FSTL5: variants seen among roughly 807,000 people sequenced by gnomAD.
FSTL5 encodes follistatin like 5, also known as follistatin-related protein 5.
FSTL5 carries 62 observed loss-of-function variants against 89.1 expected under a neutral mutation model. The observed-to-expected ratio is 0.70, with a 90% CI of 0.57 to 0.86. FSTL5 has a LOEUF of 0.86. FSTL5 is among the 40% of genes least tolerant of loss of function. FSTL5 has a pLI of 0.00. For synonymous variants in FSTL5, 383 were observed against 346.2 expected, an observed-to-expected ratio of 1.11 and a Z score of -1.18; for missense variants, 1,057 against 1,001.6, an observed-to-expected ratio of 1.06 and a Z score of -0.75.
intron 3 of FSTL5, among the ~76,000 whole-genome samples, chr4:162,015,696 A>G (rs1183948472): frequency 1.3e-5 from 2 of 152,202 alleles, no homozygotes; most frequent in Non-Finnish European, 2.9e-5. Flanking sequence ...AACTAGTCAT[A>G]AACTGTGAGG....
At chr4:161,692,495 C>T (rs546805151) in intron 6 of FSTL5, among the ~76,000 whole-genome samples, 1 of 152,168 alleles carries the variant, frequency 6.6e-6, no homozygotes, top group African/African-American at 2.4e-5. Flanking sequence ...AGTGCTTTTA[C>T]AAAAGGTGCT....
chr4:162,041,676 T>C (rs1029121933), intron 2 of FSTL5, among the ~76,000 whole-genome samples: 4 of 151,992 alleles, frequency 2.6e-5, no homozygotes, highest in African/African-American at 9.7e-5. Flanking sequence ...AGAGAACTTG[T>C]GATTGGGTTG....
intron 12 of FSTL5, among the ~76,000 whole-genome samples, chr4:161,495,953 C>T (rs1391287328): frequency 6.0e-5 from 9 of 151,048 alleles, no homozygotes; most frequent in Non-Finnish European, 8.9e-5. Flanking sequence ...ACTGTGTAAT[C>T]CTGAATTAAT....
At chr4:161,840,992 G>C (rs188781238) in intron 4 of FSTL5, among the ~76,000 whole-genome samples, 3 of 152,272 alleles carry the variant, frequency 2.0e-5, no homozygotes, top group Admixed American at 6.5e-5. Context: ...AAGCATTACT[G>C]AATGTTGGCT....
At chr4:161,807,840 C>T (rs561595048) in intron 4 of FSTL5, among the ~76,000 whole-genome samples, 2 of 152,078 alleles carry the variant, frequency 1.3e-5, no homozygotes, top group Non-Finnish European at 2.9e-5. Context: ...GGTAAGAAGA[C>T]ATGGTGGTTG....
chr4:161,995,783 T>TTTC (rs1178239996), intron 3 of FSTL5, among the ~76,000 whole-genome samples: 75 of 151,524 alleles, frequency 4.9e-4, no homozygotes, highest in African/African-American at 1.5e-3. Context: ...TTTTTTTTTT[T>TTTC]AATGATTGGA....
intron 4 of FSTL5, among the ~76,000 whole-genome samples, chr4:161,797,770 TATG>T (rs1346252228): frequency 2.6e-5 from 4 of 151,678 alleles, no homozygotes; most frequent in African/African-American, 7.2e-5. Flanking sequence ...GCTTCGTTAA[TATG>T]ATATTTTTGA....
At chr4:161,688,358 C>A (rs1237123353) in intron 6 of FSTL5, among the ~76,000 whole-genome samples, 1 of 152,202 alleles carries the variant, frequency 6.6e-6, no homozygotes, top group African/African-American at 2.4e-5. Flanking sequence ...GCTGGTATTA[C>A]AGGCATGAGC....
intron 1 of FSTL5, among the ~76,000 whole-genome samples, chr4:162,146,160 T>C (rs1732978116): frequency 6.6e-6 from 1 of 152,162 alleles, no homozygotes; most frequent in South Asian, 2.1e-4. Flanking sequence ...AAGCACCCAA[T>C]GTTGTTTTCT....
chr4:161,643,277 C>T (rs1396783798), intron 7 of FSTL5, among the ~76,000 whole-genome samples: 1 of 152,020 alleles, frequency 6.6e-6, no homozygotes, highest in African/African-American at 2.4e-5. Context: ...ACTGAATGTA[C>T]CTTTCTCTCT....
chr4:161,526,914 T>C (rs1221499469), intron 10 of FSTL5, among the ~76,000 whole-genome samples: 1 of 152,232 alleles, frequency 6.6e-6, no homozygotes, highest in Non-Finnish European at 1.5e-5. Context: ...GGCTTAGGAC[T>C]GACTTGGTGA....
intron 15 of FSTL5, among the ~76,000 whole-genome samples, chr4:161,429,741 C>G (rs1732289491): frequency 3.3e-5 from 5 of 152,014 alleles, no homozygotes; most frequent in Admixed American, 3.3e-4. Context: ...AAAGCCTTCC[C>G]AAGAAGGATA....
chr4:162,036,094 C>T (rs1417046134), intron 2 of FSTL5, among the ~76,000 whole-genome samples: 1 of 152,078 alleles, frequency 6.6e-6, no homozygotes, highest in Non-Finnish European at 1.5e-5. Context: ...TTCCATATAG[C>T]TCATTCTTTT....
chr4:161,614,601 G>A (rs17041249), intron 7 of FSTL5, among the ~76,000 whole-genome samples: 26,231 of 151,976 alleles, frequency 0.17, 2,358 homozygotes, highest in Middle Eastern at 0.32. Flanking sequence ...ATTATTAAGA[G>A]GAAAAATGCT....
intron 3 of FSTL5, among the ~76,000 whole-genome samples, chr4:162,013,194 A>G (rs924982843): frequency 2.7e-5 from 4 of 150,120 alleles, no homozygotes; most frequent in African/African-American, 9.7e-5. Flanking sequence ...TAAAAAAAAA[A>G]AAAAATTTTC....
chr4:161,837,758 C>T (rs985435757), intron 4 of FSTL5, among the ~76,000 whole-genome samples: 3 of 151,974 alleles, frequency 2.0e-5, no homozygotes, highest in South Asian at 2.1e-4. Flanking sequence ...TTTGCTAAGG[C>T]TTGGAATAAG....
chr4:161,672,933 A>T (rs1049598574), intron 6 of FSTL5, among the ~76,000 whole-genome samples: 1 of 151,978 alleles, frequency 6.6e-6, no homozygotes, highest in Non-Finnish European at 1.5e-5. Flanking sequence ...TAATTTTTTT[A>T]AAATATCACT....
intron 6 of FSTL5, among the ~76,000 whole-genome samples, chr4:161,712,278 A>G (rs1019767856): frequency 1.3e-5 from 2 of 152,148 alleles, no homozygotes; most frequent in Non-Finnish European, 2.9e-5. Flanking sequence ...TAAATTAAAT[A>G]TTAATAAAAG....
chr4:161,596,934 T>C (rs1013386653), intron 7 of FSTL5, among the ~76,000 whole-genome samples: 3 of 152,130 alleles, frequency 2.0e-5, no homozygotes, highest in Non-Finnish European at 2.9e-5. Context: ...ATATTAGCCC[T>C]TTGTCAGATG....
Sources: allele counts gnomAD v4.1 joint callset (sites outside exome capture counted in the v4.1 genomes callset), GRCh38; gene constraint gnomAD v4.1.1; transcripts MANE v1.5; gene names NCBI Gene and HGNC (gene_info 2026-07-23, HGNC 2026-07-21).